The following HS6ST3 variants were observed in gnomAD, a reference collection of about 807,000 sequenced individuals.
HS6ST3 encodes the protein heparan sulfate 6-O-sulfotransferase 3, also known as heparan-sulfate 6-O-sulfotransferase 3.
Under a neutral mutation model 36.7 loss-of-function variants are expected in HS6ST3, and 12 were observed. The ratio of observed to expected loss-of-function variants is 0.33; its 90% confidence interval spans 0.21 to 0.53. The LOEUF is 0.53. Among genes scored for constraint, HS6ST3 ranks in the 20% least tolerant of loss-of-function variants. HS6ST3 has a pLI of 0.95. For missense variants in HS6ST3, 584 were observed against 640.9 expected (o/e 0.91, Z 0.96); for synonymous variants, 240 against 257.5 (o/e 0.93, Z 0.65).
At chr13:96,522,966 T>C (rs572104401) in intron 1 of HS6ST3, among the ~76,000 whole-genome samples, 121 of 152,230 alleles carry the variant, frequency 7.9e-4, no homozygotes, top group Non-Finnish European at 1.5e-3. Context: ...TCGATGGTCT[T>C]TACAATTTGG....
At chr13:96,354,914 A>G (rs1353312861) in intron 1 of HS6ST3, among the ~76,000 whole-genome samples, 1 of 152,162 alleles carries the variant, frequency 6.6e-6, no homozygotes, top group Non-Finnish European at 1.5e-5. Flanking sequence ...ATAAGGAATA[A>G]TTTCCCCAAC....
chr13:96,137,436 A>ATTTT (rs56884747), intron 1 of HS6ST3, among the ~76,000 whole-genome samples: 1 of 141,444 alleles, frequency 7.1e-6, no homozygotes, highest in Admixed American at 7.0e-5. Context: ...AATCCTGAAC[A>ATTTT]TTTTTTTTTT....
chr13:96,610,823 A>G (rs2056454585), intron 1 of HS6ST3, among the ~76,000 whole-genome samples: 1 of 151,736 alleles, frequency 6.6e-6, no homozygotes, highest in Admixed American at 6.6e-5. Flanking sequence ...CCCATTCCCC[A>G]GAGAAGTTTG....
At chr13:96,766,156 T>C (rs1367946471) in intron 1 of HS6ST3, among the ~76,000 whole-genome samples, 1 of 152,186 alleles carries the variant, frequency 6.6e-6, no homozygotes, top group African/African-American at 2.4e-5. Context: ...ATTACTTACA[T>C]GAAAGGGCAG....
At chr13:96,193,018 C>G (rs74106366) in intron 1 of HS6ST3, among the ~76,000 whole-genome samples, 2 of 152,132 alleles carry the variant, frequency 1.3e-5, no homozygotes, top group South Asian at 2.1e-4. Flanking sequence ...GTTCCTCTCT[C>G]GGCAAATTGC....
chr13:96,228,177 T>C (rs1291181848), intron 1 of HS6ST3, among the ~76,000 whole-genome samples: 11 of 152,246 alleles, frequency 7.2e-5, no homozygotes. Context: ...ATAATACATA[T>C]GTGAATAGGT....
Position 96,313,891 on chromosome 13 carries a change from C to T in HS6ST3, c.707+222322C>T, listed in dbSNP as rs192479246. 3.9e-5 allele frequency among the ~76,000 whole-genome samples: 6 copies of T among 152,266 alleles called. No homozygotes were observed. In the East Asian group the frequency reaches 1.2e-3, roughly 29 times the overall value. ...GATTGACTTGATTGACCACTGCACA[C>T]TGAGCATTTGCCTAAAATCCTCCCC... On this transcript the variant is annotated intron_variant, in intron 1 of 1. Coordinates refer to ENST00000376705, the MANE Select transcript of HS6ST3 (RefSeq NM_153456.4).
In HS6ST3 at chr13:96,644,311, T is replaced by C. The variant is rs940640007; in HGVS notation, c.708-188179T>C. Among the ~76,000 whole-genome samples, 7 of 152,062 alleles carry C rather than the reference T, an allele frequency of 4.6e-5. No individual in the cohort carries two copies. The East Asian group carries it at 1.2e-3, about 25-fold the overall frequency. On this transcript the variant is annotated intron_variant, in intron 1 of 1. Transcript: ENST00000376705. ...AAGAAAAGGTTTGACATTCATCAAT[T>C]ATGTCATATAGATTCGGGGTCATAT...
At chr13:96,105,066 G>GAAAA (rs35882347) in intron 1 of HS6ST3, among the ~76,000 whole-genome samples, 2 of 137,416 alleles carry the variant, frequency 1.5e-5, no homozygotes, top group East Asian at 2.1e-4. Context: ...CATAAAGATG[G>GAAAA]AAAAAAAAAA....
intron 1 of HS6ST3, among the ~76,000 whole-genome samples, chr13:96,258,073 T>C (rs74106368): frequency 0.018 from 2,683 of 152,322 alleles, 84 homozygotes; most frequent in African/African-American, 0.059. Context: ...TTGATGGCAG[T>C]TCAGTACATC....
intron 1 of HS6ST3, among the ~76,000 whole-genome samples, chr13:96,715,186 T>C (rs1185392971): frequency 6.6e-6 from 1 of 151,838 alleles, no homozygotes; most frequent in Non-Finnish European, 1.5e-5. Flanking sequence ...AAACAAATAA[T>C]ATTGAAGGAA....
chr13:96,405,506 C>T (rs1183358555), intron 1 of HS6ST3, among the ~76,000 whole-genome samples: 1 of 152,166 alleles, frequency 6.6e-6, no homozygotes, highest in Non-Finnish European at 1.5e-5. Flanking sequence ...CTCATAGGTA[C>T]ACAAGGAATA....
intron 1 of HS6ST3, among the ~76,000 whole-genome samples, chr13:96,522,702 T>A (rs759452590): frequency 6.6e-6 from 1 of 151,528 alleles, no homozygotes; most frequent in Non-Finnish European, 1.5e-5. Context: ...TGTGTGTGCT[T>A]TCCATTTGCT....
chr13:96,524,094 G>A (rs1415582484), intron 1 of HS6ST3, among the ~76,000 whole-genome samples: 1 of 152,178 alleles, frequency 6.6e-6, no homozygotes, highest in Non-Finnish European at 1.5e-5. Flanking sequence ...CTGTTTGTTA[G>A]TTTTCCTTCT....
chr13:96,828,507 A>G (rs945573102), intron 1 of HS6ST3, among the ~76,000 whole-genome samples: 8 of 152,186 alleles, frequency 5.3e-5, no homozygotes, highest in African/African-American at 1.7e-4. Flanking sequence ...TTCTTATAAT[A>G]TAGTGACTAT....
chr13:96,579,077 A>G (rs2056332476), intron 1 of HS6ST3, among the ~76,000 whole-genome samples: 1 of 152,198 alleles, frequency 6.6e-6, no homozygotes, highest in Admixed American at 6.5e-5. Flanking sequence ...AAAATAACTC[A>G]TGTTAGAGGT....
At chr13:96,286,648 T>G (rs1241208325) in intron 1 of HS6ST3, among the ~76,000 whole-genome samples, 1 of 152,172 alleles carries the variant, frequency 6.6e-6, no homozygotes, top group Non-Finnish European at 1.5e-5. Context: ...TTAGTGTACT[T>G]AAGTCTTTAC....
intron 1 of HS6ST3, among the ~76,000 whole-genome samples, chr13:96,320,507 A>G (rs1179445176): frequency 2.0e-5 from 3 of 152,230 alleles, no homozygotes; most frequent in African/African-American, 7.2e-5. Context: ...AGGCATAAAT[A>G]TGTACAGAAA....
chr13:96,256,357 C>T (rs929933884), intron 1 of HS6ST3, among the ~76,000 whole-genome samples: 7 of 152,136 alleles, frequency 4.6e-5, no homozygotes, highest in Non-Finnish European at 7.4e-5. Flanking sequence ...CAACAGTGTC[C>T]GATTTATTAA....
Sources: gnomAD v4.1 joint callset for allele counts (sites outside exome capture counted in the v4.1 genomes callset) on GRCh38, gnomAD v4.1.1 for gene constraint, MANE v1.5 for transcripts, NCBI Gene and HGNC (gene_info 2026-07-23, HGNC 2026-07-21) for gene names.